The following IFT88 variants were observed in gnomAD, a reference collection of about 807,000 sequenced individuals.
The protein encoded by IFT88 is intraflagellar transport 88.
A neutral mutation model predicts 119.5 loss-of-function variants in IFT88; 74 were observed. That is an observed-to-expected ratio of 0.62 (90% confidence interval 0.51 to 0.75). The LOEUF (loss-of-function observed/expected upper bound fraction) is 0.75. Among genes scored for constraint, IFT88 ranks in the 30% least tolerant of loss-of-function variants. The pLI is 0.00. For synonymous variants in IFT88, 279 were observed against 316.7 expected, an observed-to-expected ratio of 0.88 and a Z score of 1.26; for missense variants, 961 against 977.7, an observed-to-expected ratio of 0.98 and a Z score of 0.23.
chr13:20,584,378 T>C (rs1313220321), intron 3 of IFT88, among the ~76,000 whole-genome samples: 1 of 152,174 alleles, frequency 6.6e-6, no homozygotes, highest in Non-Finnish European at 1.5e-5. Context: ...AAATGATTTC[T>C]TATGTTATTC....
At chr13:20,612,359 C>T (rs1272448718) in intron 13 of IFT88, 1 of 152,084 alleles carries the variant, frequency 6.6e-6, no homozygotes, top group Non-Finnish European at 1.5e-5. Context: ...AGAAGAAATA[C>T]ACTATACACT....
chr13:20,589,803 TC>T lies in IFT88; in HGVS notation c.154-4del. 1.9e-6 allele frequency: 3 copies of T among 1,587,650 alleles called. No homozygotes were observed. The highest frequency in any genetic ancestry group is 2.6e-6 in the Non-Finnish European group (3 of 1,160,976). On this transcript the variant is annotated splice_polypyrimidine_tract_variant and splice_region_variant and intron_variant, in intron 3 of 25. Transcript: ENST00000351808. Reference sequence around the variant, plus strand: ...ATCCTGTTAACTATGTTCTTTTTCCTCCCCAAGATAACTGCTAAAATATCAA... The same window carrying T: ...ATCCTGTTAACTATGTTCTTTTTCCTCCCAAGATAACTGCTAAAATATCAA...
intron 1 of IFT88, among the ~76,000 whole-genome samples, chr13:20,573,264 G>C (rs77362548): frequency 0.013 from 1,793 of 141,656 alleles, 37 homozygotes; most frequent in African/African-American, 0.044. Context: ...ACTAATCAAC[G>C]TTATTTTTTT....
chr13:20,655,548 A>C (rs2052627692), intron 21 of IFT88, among the ~76,000 whole-genome samples: 1 of 151,938 alleles, frequency 6.6e-6, no homozygotes, highest in Non-Finnish European at 1.5e-5. Context: ...GCTGGCCTGC[A>C]GTGGCACTAA....
chr13:20,590,639 C>G (rs2040502927), intron 4 of IFT88, among the ~76,000 whole-genome samples: 1 of 152,076 alleles, frequency 6.6e-6, no homozygotes, highest in Non-Finnish European at 1.5e-5. Flanking sequence ...CCATGAAGGG[C>G]TAGATATTTT....
rs571694927 is a variant in IFT88 at position 20,573,487 on chromosome 13, C to T, written c.-6-893C>T. ...TATGCCTCAATTCCTTTCTTTAGGTCGACAGCTACTATGAACATTCTTATA... is the reference window on the plus strand; with the variant it reads ...TATGCCTCAATTCCTTTCTTTAGGTTGACAGCTACTATGAACATTCTTATA... On this transcript the variant is annotated intron_variant, in intron 1 of 25. Coordinates refer to ENST00000351808, the MANE Select transcript of IFT88 (RefSeq NM_006531.5). 4.6e-5 allele frequency among the ~76,000 whole-genome samples: 7 copies of T among 152,134 alleles called. No individual in the cohort carries two copies. In the South Asian group the frequency reaches 6.2e-4, roughly 14 times the overall value.
intron 22 of IFT88, among the ~76,000 whole-genome samples, chr13:20,658,844 C>T (rs9506531): frequency 0.65 from 99,493 of 152,016 alleles, 33,518 homozygotes; most frequent in Middle Eastern, 0.77. Flanking sequence ...ACCTCTGCAC[C>T]GGACCGGAAA....
At chr13:20,596,667 G>A (rs1024602477) in intron 8 of IFT88, among the ~76,000 whole-genome samples, 2 of 151,968 alleles carry the variant, frequency 1.3e-5, no homozygotes, top group South Asian at 4.2e-4. Flanking sequence ...ATCTAACTTG[G>A]CTTTTTAAAT....
At chr13:20,592,255 A>T in intron 6 of IFT88, 80 bp from the exon 7 acceptor site, 1 of 1,000,112 alleles carries the variant, frequency 1.0e-6, no homozygotes, top group Non-Finnish European at 1.5e-6. Context: ...GAAATAGCTT[A>T]TGCGAGGTTT....
At chr13:20,596,096 A>G (rs758225177) in intron 7 of IFT88, 54 bp from the exon 8 acceptor site, 47 of 465,626 alleles carry the variant, frequency 1.0e-4, no homozygotes, top group Middle Eastern at 5.9e-4. Context: ...AAATTTTAGT[A>G]TAGATTTTTA....
rs2058423841 is a variant in IFT88, at chr13:20,691,054, A to G, written c.2354A>G (p.Asp785Gly). The G allele has an allele frequency of 6.2e-7, 1 of 1,612,368 alleles. No individual in the cohort carries two copies. The highest frequency in any genetic ancestry group is 1.3e-5 in the African/African-American group (1 of 74,854). ...PYESSSNKEIDASYVDPLGPQ... is the reference protein window; with the variant it reads ...PYESSSNKEIGASYVDPLGPQ... ...ACGTGACAATCTCTTCGAAACCTAG[A>G]TGCCTCCTATGTGGACCCACTTGGC... is the stretch of plus-strand genomic sequence containing the variant. The change falls in exon 26 of 26, where the codon GAT becomes GGT. Residue 785 changes from aspartate to glycine, a missense_variant and splice_region_variant. Coordinates refer to ENST00000351808, the MANE Select transcript of IFT88 (RefSeq NM_006531.5).
At chr13:20,670,910 A>G in intron 23 of IFT88, 63 bp from the exon 24 acceptor site, 5 of 1,394,920 alleles carry the variant, frequency 3.6e-6, no homozygotes, top group Non-Finnish European at 5.1e-6. Context: ...ATCCACCTTT[A>G]TCTATATTCA....
At chr13:20,588,849 G>T (rs947137121) in intron 3 of IFT88, among the ~76,000 whole-genome samples, 1 of 152,154 alleles carries the variant, frequency 6.6e-6, no homozygotes. Context: ...CCTTATGAGG[G>T]CTAGTATACT....
At chr13:20,629,616 T>C (rs779128446) in intron 15 of IFT88, among the ~76,000 whole-genome samples, 5 of 152,166 alleles carry the variant, frequency 3.3e-5, no homozygotes, top group Admixed American at 6.5e-5. Context: ...GTATCTGAAA[T>C]TGAGTATTTT....
intron 2 of IFT88, among the ~76,000 whole-genome samples, chr13:20,577,672 G>A (rs9579895): frequency 6.6e-6 from 1 of 152,038 alleles, no homozygotes. Context: ...ATTTGCATAA[G>A]TTGAACCATC....
At chr13:20,605,604 A>G (rs976448252) in intron 13 of IFT88, among the ~76,000 whole-genome samples, 1 of 152,006 alleles carries the variant, frequency 6.6e-6, no homozygotes, top group Non-Finnish European at 1.5e-5. Context: ...GGTTTTTCTC[A>G]CACCAACAAC....
At position 20,605,256 on chromosome 13, in the gene IFT88, T is replaced by G. The variant is rs574550220; in HGVS notation, c.1112+151T>G. The stretch of plus-strand genomic sequence containing the variant: ...ATGTGCATTCTGTTTCTTACAGAAC[T>G]TGTTATATTCAATATATTTCTTGAA... On this transcript the variant is annotated intron_variant, in intron 13 of 25. Transcript: ENST00000351808. 13 of 423,560 alleles carry G rather than the reference T, an allele frequency of 3.1e-5. No homozygotes were observed. The East Asian group carries it at 5.2e-4, about 17-fold the overall frequency. 26.2% of individuals were successfully genotyped at this position (423,560 alleles called of 1,614,324 possible).
chr13:20,680,244 G>A (rs11843841), intron 24 of IFT88, among the ~76,000 whole-genome samples: 1,894 of 152,312 alleles, frequency 0.012, 43 homozygotes, highest in African/African-American at 0.044. Context: ...CAGGATTGAT[G>A]ACTGGGAGCT....
intron 8 of IFT88, among the ~76,000 whole-genome samples, chr13:20,596,718 G>T (rs1173496616): frequency 3.3e-5 from 5 of 152,068 alleles, no homozygotes; most frequent in Non-Finnish European, 7.4e-5. Context: ...ATGTTACTTT[G>T]ATTGTCATAT....
Sources: gnomAD v4.1 joint callset for allele counts (sites outside exome capture counted in the v4.1 genomes callset) on GRCh38, gnomAD v4.1.1 for gene constraint, MANE v1.5 for transcripts, NCBI Gene and HGNC (gene_info 2026-07-23, HGNC 2026-07-21) for gene names.